RERE: variants seen among roughly 807,000 people sequenced by gnomAD.
RERE encodes arginine-glutamic acid dipeptide repeats protein.
A neutral mutation model predicts 146.1 loss-of-function variants in RERE; 40 were observed. The ratio of observed to expected loss-of-function variants is 0.27; its 90% CI spans 0.21 to 0.36. The LOEUF (loss-of-function observed/expected upper bound fraction) is 0.36, where lower values mean the gene tolerates loss of function less well. RERE is among the 10% of genes least tolerant of loss of function. The pLI is 1.00. For missense variants in RERE, 1,933 were observed against 2,138.7 expected (o/e 0.90, Z 1.90); for synonymous variants, 1,003 against 866.0 (o/e 1.16, Z -2.78).
intron 4 of RERE, among the ~76,000 whole-genome samples, chr1:8,561,323 T>C (rs945098203): frequency 6.6e-6 from 1 of 152,196 alleles, no homozygotes; most frequent in African/African-American, 2.4e-5. Flanking sequence ...AAACAACAAT[T>C]TGAAACAAAT....
intron 4 of RERE, among the ~76,000 whole-genome samples, chr1:8,578,305 T>G (rs1360037104): frequency 6.6e-6 from 1 of 152,174 alleles, no homozygotes; most frequent in Non-Finnish European, 1.5e-5. Context: ...GCAGACCTCC[T>G]TACACAAAGC....
At chr1:8,523,330 C>CTT (rs1645528647) in intron 7 of RERE, among the ~76,000 whole-genome samples, 1 of 152,194 alleles carries the variant, frequency 6.6e-6, no homozygotes, top group East Asian at 1.9e-4. Flanking sequence ...GATTCGAATT[C>CTT]GAGATTCTAT....
chr1:8,771,841 C>G lies in RERE; in HGVS notation c.-145+45319G>C, dbSNP rs544657996. On this transcript the variant is annotated intron_variant, in intron 1 of 22. Coordinates refer to ENST00000400908, the MANE Select transcript of RERE (RefSeq NM_001042681.2). ...AGGAGAATGGCATGAACCCGGGAGGCGGAGCTTGCAGTGACCGGAGATCAC... is the reference window on the plus strand; with the variant it reads ...AGGAGAATGGCATGAACCCGGGAGGGGGAGCTTGCAGTGACCGGAGATCAC... Among the ~76,000 whole-genome samples the G allele has an allele frequency of 4.3e-5, 6 of 140,530 alleles. No individual in the cohort carries two copies. In the South Asian group the frequency reaches 1.4e-3, roughly 32 times the overall value. 92.2% of individuals were successfully genotyped at this position (140,530 alleles called of 152,430 possible).
intron 11 of RERE, among the ~76,000 whole-genome samples, chr1:8,425,412 G>C (rs893468145): frequency 6.6e-6 from 1 of 152,142 alleles, no homozygotes; most frequent in African/African-American, 2.4e-5. Context: ...TGCAGCAAGG[G>C]ACCCAAGAAG....
chr1:8,448,299 C>T (rs1189201930), intron 11 of RERE, among the ~76,000 whole-genome samples: 4 of 152,184 alleles, frequency 2.6e-5, no homozygotes, highest in Non-Finnish European at 5.9e-5. Flanking sequence ...TCCCAAGGTA[C>T]AGCAACTGGT....
chr1:8,816,370 T>C (rs900948436), intron 1 of RERE, among the ~76,000 whole-genome samples: 2 of 152,244 alleles, frequency 1.3e-5, no homozygotes, highest in African/African-American at 4.8e-5. Context: ...GGACCCATTT[T>C]ACTTAAATCA....
At chr1:8,367,272 C>A (rs551395877) in intron 12 of RERE, among the ~76,000 whole-genome samples, 2 of 152,332 alleles carry the variant, frequency 1.3e-5, no homozygotes, top group African/African-American at 4.8e-5. Flanking sequence ...GGCCTCAGAA[C>A]ACAGTGACAA....
chr1:8,633,401 G>T lies in RERE; in HGVS notation c.326-9021C>A, dbSNP rs1647057869. 2.6e-5 allele frequency among the ~76,000 whole-genome samples: 4 copies of T among 152,006 alleles called. No individual in the cohort carries two copies. The South Asian group carries it at 8.3e-4, about 31-fold the overall frequency. The stretch of plus-strand genomic sequence containing the variant: ...TAGCACCACTGCGTGCCAGCCTGGG[G>T]AACAAAGCAAGATCCTGTCTCTTAA... On this transcript the variant is annotated intron_variant, in intron 2 of 22. Coordinates refer to ENST00000400908, the MANE Select transcript of RERE (RefSeq NM_001042681.2).
intron 6 of RERE, 118 bp downstream of exon 6, chr1:8,556,357 G>A: frequency 1.6e-6 from 1 of 637,954 alleles, no homozygotes; most frequent in South Asian, 2.1e-5. Context: ...TGTTCACTGA[G>A]GCCAAAAGAG....
At position 8,364,896 on chromosome 1, in the gene RERE, CT is replaced by C. The variant is rs1641739219; in HGVS notation, c.1448-59del. 1 of 140,264 alleles carries C rather than the reference CT, an allele frequency of 7.1e-6. No homozygotes were observed. Among genetic ancestry groups the C allele is most frequent in the Non-Finnish European group, 1.4e-5 (1 of 71,984 alleles). 8.7% of individuals were successfully genotyped at this position (140,264 alleles called of 1,614,324 possible). A position where few individuals can be genotyped will look rare whatever the true frequency, so the allele number is the denominator to read the frequency against. The stretch of plus-strand genomic sequence containing the variant: ...GAGACACCATCATGCTCAGCCAAGG[CT>C]GGGCCGGTGGGGTGGGGGGGAGGGG... On this transcript the variant is annotated intron_variant, in intron 13 of 22. Coordinates refer to ENST00000400908, the MANE Select transcript of RERE (RefSeq NM_001042681.2). This position sits in a 1 kb window ranked among gnomAD's most constrained non-coding sequence, Gnocchi z 5.1.
At chr1:8,549,057 G>A (rs1645901733) in intron 6 of RERE, among the ~76,000 whole-genome samples, 2 of 152,202 alleles carry the variant, frequency 1.3e-5, no homozygotes, top group Admixed American at 1.3e-4. Flanking sequence ...TCTGGAGTTA[G>A]GGGAAGTTAA....
intron 1 of RERE, among the ~76,000 whole-genome samples, chr1:8,741,460 G>A (rs1640305826): frequency 6.6e-6 from 1 of 152,200 alleles, no homozygotes; most frequent in Admixed American, 6.5e-5. Flanking sequence ...ATCCCCACAT[G>A]TCAAGAGAGA....
intron 11 of RERE, among the ~76,000 whole-genome samples, chr1:8,460,792 A>G (rs1265434632): frequency 6.6e-6 from 1 of 152,246 alleles, no homozygotes. Flanking sequence ...AAATAATTTT[A>G]AAAACCAAAA....
intron 1 of RERE, among the ~76,000 whole-genome samples, chr1:8,815,574 G>A (rs948127253): frequency 1.3e-5 from 2 of 152,220 alleles, no homozygotes; most frequent in Admixed American, 6.5e-5. Flanking sequence ...AAGGGAGGCA[G>A]AGAGAAGAGA....
chr1:8,572,630 TC>T (rs1646234982), intron 4 of RERE, among the ~76,000 whole-genome samples: 1 of 152,242 alleles, frequency 6.6e-6, no homozygotes, highest in Admixed American at 6.5e-5. Context: ...TTATTGGGCA[TC>T]TGCTAGGCAC....
chr1:8,485,495 C>G (rs1644887132), intron 10 of RERE, among the ~76,000 whole-genome samples: 1 of 151,390 alleles, frequency 6.6e-6, no homozygotes, highest in African/African-American at 2.4e-5. Flanking sequence ...CTAAAGAATA[C>G]AGGAGATGTT....
intron 12 of RERE, among the ~76,000 whole-genome samples, chr1:8,366,702 C>T (rs543485431): frequency 3.7e-4 from 57 of 152,310 alleles, no homozygotes; most frequent in African/African-American, 1.3e-3. Context: ...AAATATCACA[C>T]ACCACAAGGT....
intron 17 of RERE, 110 bp from the exon 18 acceptor site, chr1:8,361,600 T>G: frequency 6.8e-7 from 1 of 1,474,412 alleles, no homozygotes; most frequent in Non-Finnish European, 9.3e-7. Flanking sequence ...AGCAGCAAGC[T>G]TGGCTCCGGG....
intron 4 of RERE, among the ~76,000 whole-genome samples, chr1:8,566,938 T>C (rs1218752588): frequency 6.6e-6 from 1 of 151,922 alleles, no homozygotes; most frequent in Non-Finnish European, 1.5e-5. Context: ...CTACAGCATG[T>C]GCCACCACAC....
Sources: gnomAD v4.1 joint callset for allele counts (sites outside exome capture counted in the v4.1 genomes callset) on GRCh38, gnomAD v4.1.1 for gene constraint, Gnocchi (gnomAD v3.1) non-coding constraint, MANE v1.5 for transcripts, NCBI Gene and HGNC (gene_info 2026-07-23, HGNC 2026-07-21) for gene names.